Variants in MMP16 observed in about 807,000 individuals in gnomAD.
MMP16 encodes matrix metallopeptidase 16.
A neutral mutation model predicts 67.8 loss-of-function variants in MMP16; 12 were observed. The ratio of observed to expected loss-of-function variants is 0.18; its 90% CI spans 0.11 to 0.29. MMP16 has a LOEUF of 0.29. MMP16 is among the 10% of genes least tolerant of loss of function. MMP16 has a pLI of 1.00. For synonymous variants in MMP16, 249 were observed against 255.9 expected (o/e 0.97, Z 0.26); for missense variants, 475 against 765.7 (o/e 0.62, Z 4.48).
At chr8:88,276,884 T>C (rs1277508397) in intron 1 of MMP16, among the ~76,000 whole-genome samples, 1 of 152,110 alleles carries the variant, frequency 6.6e-6, no homozygotes, top group Non-Finnish European at 1.5e-5. Context: ...AAAAAGGAAA[T>C]TATATAGTGA....
At chr8:88,048,743 A>T (rs1010596531) in intron 8 of MMP16, among the ~76,000 whole-genome samples, 2 of 152,198 alleles carry the variant, frequency 1.3e-5, no homozygotes, top group Non-Finnish European at 2.9e-5. Flanking sequence ...CCCACTAAAC[A>T]TCTATGGTGA....
intron 6 of MMP16, among the ~76,000 whole-genome samples, chr8:88,099,611 A>G (rs1266184132): frequency 6.6e-6 from 1 of 151,842 alleles, no homozygotes; most frequent in African/African-American, 2.4e-5. Flanking sequence ...AATTCTCATC[A>G]AGGTAAAACA....
At chr8:88,062,882 A>G (rs146401251) in intron 7 of MMP16, among the ~76,000 whole-genome samples, 16 of 152,232 alleles carry the variant, frequency 1.1e-4, no homozygotes, top group African/African-American at 3.6e-4. Context: ...AGTATGTAAG[A>G]TTCATATTTG....
intron 1 of MMP16, among the ~76,000 whole-genome samples, chr8:88,284,982 TG>T (rs1441190638): frequency 6.6e-6 from 1 of 152,158 alleles, no homozygotes; most frequent in African/African-American, 2.4e-5. Context: ...GTCCTTATTA[TG>T]GGCCTCTGTT....
At chr8:88,115,533 G>A (rs1275685879) in intron 6 of MMP16, among the ~76,000 whole-genome samples, 1 of 151,932 alleles carries the variant, frequency 6.6e-6, no homozygotes, top group African/African-American at 2.4e-5. Flanking sequence ...AGAAAATAGA[G>A]TATTTTATCT....
At chr8:88,206,161 T>G (rs1373694164) in intron 1 of MMP16, among the ~76,000 whole-genome samples, 2 of 152,080 alleles carry the variant, frequency 1.3e-5, no homozygotes, top group Non-Finnish European at 2.9e-5. Flanking sequence ...TAATCTAAAT[T>G]TATCATTTTA....
intron 2 of MMP16, among the ~76,000 whole-genome samples, chr8:88,189,814 C>A (rs1809137550): frequency 6.6e-6 from 1 of 152,082 alleles, no homozygotes. Flanking sequence ...AGTTTACCAC[C>A]CCAATGCAGC....
In MMP16 at chr8:88,149,053, C is replaced by A. The variant is rs570915061; in HGVS notation, c.709+18616G>T. ...GCGAGGCATTGCCTCACCTGGGAAG[C>A]GCAAGGGGTCAGGGAGTTCCCTTTC... On this transcript the variant is annotated intron_variant, in intron 4 of 9. Coordinates refer to ENST00000286614, the MANE Select transcript of MMP16 (RefSeq NM_005941.5). Among the ~76,000 whole-genome samples the A allele has an allele frequency of 1.1e-4, 17 of 152,256 alleles. No individual in the cohort carries two copies. The East Asian group carries it at 3.3e-3, about 29-fold the overall frequency.
chr8:88,316,994 CT>C (rs780414887), intron 1 of MMP16, among the ~76,000 whole-genome samples: 2 of 152,142 alleles, frequency 1.3e-5, no homozygotes, highest in Non-Finnish European at 2.9e-5. Context: ...TTGCTGCAAT[CT>C]CATTATAAAA....
In MMP16 at chr8:88,180,281, CA is replaced by C. The variant is rs529836286; in HGVS notation, c.404+6194del. Among the ~76,000 whole-genome samples the C allele has an allele frequency of 8.7e-3, 1,068 of 123,348 alleles. 12 individuals carry two copies. The highest frequency in any genetic ancestry group is 9.8e-3 in the South Asian group (37 of 3,774). The allele number at this position is 123,348 out of a possible 152,430, so 80.9% of individuals were successfully genotyped here. On this transcript the variant is annotated intron_variant, in intron 3 of 9. Coordinates refer to ENST00000286614, the MANE Select transcript of MMP16 (RefSeq NM_005941.5). ...GGGCAACAAGAGTGAAACTCCGTCT[CA>C]AAAAAAAAAAAGTCAATACTAAATA...
chr8:88,090,476 T>C (rs1279676571), intron 6 of MMP16, among the ~76,000 whole-genome samples: 1 of 151,902 alleles, frequency 6.6e-6, no homozygotes, highest in African/African-American at 2.4e-5. Context: ...TCAAGTATTT[T>C]TGTGTTGAGC....
intron 6 of MMP16, among the ~76,000 whole-genome samples, chr8:88,113,816 T>C (rs1178709705): frequency 1.3e-5 from 2 of 152,004 alleles, no homozygotes; most frequent in Non-Finnish European, 2.9e-5. Flanking sequence ...AACCCAAGTG[T>C]AGCCTATTTT....
chr8:88,062,600 TGAACAATGA>T (rs1409276251), intron 7 of MMP16, among the ~76,000 whole-genome samples: 1 of 151,312 alleles, frequency 6.6e-6, no homozygotes, highest in Non-Finnish European at 1.5e-5. Context: ...AGGTGGGAAT[TGAACAATGA>T]GAACACTTGG....
intron 1 of MMP16, among the ~76,000 whole-genome samples, chr8:88,314,070 A>G (rs1291048292): frequency 6.6e-6 from 1 of 152,194 alleles, no homozygotes; most frequent in Non-Finnish European, 1.5e-5. Flanking sequence ...CAGCTGTCCC[A>G]TATCTCACTG....
chr8:88,060,843 A>G (rs563443371), intron 7 of MMP16, among the ~76,000 whole-genome samples: 1 of 152,168 alleles, frequency 6.6e-6, no homozygotes, highest in Admixed American at 6.6e-5. Context: ...TGATGCAAAG[A>G]ACCATGTTTA....
intron 1 of MMP16, among the ~76,000 whole-genome samples, chr8:88,199,210 A>G (rs80330798): frequency 1.3e-5 from 2 of 152,192 alleles, no homozygotes; most frequent in African/African-American, 2.4e-5. Context: ...AATAAACCCT[A>G]TGACTTATGT....
chr8:88,292,311 G>T (rs548627455), intron 1 of MMP16, among the ~76,000 whole-genome samples: 21 of 152,148 alleles, frequency 1.4e-4, no homozygotes, highest in African/African-American at 4.8e-4. Context: ...TGGGATTATG[G>T]ATCCCCTTGA....
chr8:88,136,087 T>C (rs1808114217), intron 4 of MMP16, among the ~76,000 whole-genome samples: 1 of 151,884 alleles, frequency 6.6e-6, no homozygotes, highest in South Asian at 2.1e-4. Context: ...GTTCAAACAG[T>C]AGAAGACAGA....
chr8:88,216,736 GCTGGAT>G (rs1468882799), intron 1 of MMP16, among the ~76,000 whole-genome samples: 1 of 152,076 alleles, frequency 6.6e-6, no homozygotes, highest in Non-Finnish European at 1.5e-5. Flanking sequence ...CTCAATTGAT[GCTGGAT>G]GCATCTATCA....
Sources: gnomAD v4.1 joint callset for allele counts (sites outside exome capture counted in the v4.1 genomes callset) on GRCh38, gnomAD v4.1.1 for gene constraint, MANE v1.5 for transcripts, NCBI Gene and HGNC (gene_info 2026-07-23, HGNC 2026-07-21) for gene names.